The following SLC66A2 variants were observed in gnomAD, a reference collection of about 807,000 sequenced individuals.
SLC66A2 encodes PQ loop repeat containing 1.
SLC66A2 carries 23 observed loss-of-function variants against 25.5 expected under a neutral mutation model. The observed-to-expected ratio is 0.90, with a 90% CI of 0.65 to 1.28. The LOEUF is 1.28. Ranked by LOEUF, SLC66A2 falls within the 50% of genes most tolerant of loss-of-function variation. SLC66A2 has a pLI of 0.00. For synonymous variants in SLC66A2, 193 were observed against 166.5 expected (o/e 1.16, Z -1.23); for missense variants, 396 against 373.1 (o/e 1.06, Z -0.51).
intron 5 of SLC66A2, among the ~76,000 whole-genome samples, chr18:79,913,774 C>T (rs1312446256): frequency 6.6e-6 from 1 of 152,186 alleles, no homozygotes; most frequent in East Asian, 1.9e-4. Context: ...GGAGCTGAGG[C>T]TGTGGGTCCC....
chr18:79,939,476 G>GA (rs1987444960), intron 3 of SLC66A2, among the ~76,000 whole-genome samples: 1 of 152,182 alleles, frequency 6.6e-6, no homozygotes, highest in Non-Finnish European at 1.5e-5. Context: ...GAAAATTTTT[G>GA]CAAACTACGC....
chr18:79,922,621 A>G (rs1313033948), intron 4 of SLC66A2, among the ~76,000 whole-genome samples: 1 of 152,040 alleles, frequency 6.6e-6, no homozygotes, highest in African/African-American at 2.4e-5. Context: ...AGAAATTAGC[A>G]AATTAAAGGA....
At chr18:79,923,109 A>G (rs1985463926) in intron 4 of SLC66A2, among the ~76,000 whole-genome samples, 1 of 150,584 alleles carries the variant, frequency 6.6e-6, no homozygotes, top group Admixed American at 6.6e-5. Flanking sequence ...GGTACGCGGC[A>G]CCTCCCAGAA....
At chr18:79,935,700 A>G (rs1987012389) in intron 3 of SLC66A2, among the ~76,000 whole-genome samples, 1 of 152,178 alleles carries the variant, frequency 6.6e-6, no homozygotes, top group Admixed American at 6.5e-5. Flanking sequence ...GAGGAAGCCC[A>G]GGTCTCATGA....
At chr18:79,923,298 GTGGTGGATGGGTGGA>G in intron 4 of SLC66A2, among the ~76,000 whole-genome samples, 1 of 149,922 alleles carries the variant, frequency 6.7e-6, no homozygotes, top group African/African-American at 2.5e-5. Context: ...GGACAGGTGG[GTGGTGGATGGGTGGA>G]TGGTGGACGG....
rs1981473494 is a variant in SLC66A2, at chr18:79,903,134, G to C, written c.*842C>G. 6.6e-6 allele frequency: 1 copy of C among 152,360 alleles called. No individual in the cohort carries two copies. Among genetic ancestry groups the C allele is most frequent in the Non-Finnish European group, 1.5e-5 (1 of 68,126 alleles). The allele number at this position is 152,360 out of a possible 1,614,324, so 9.4% of individuals were successfully genotyped here. A position where few individuals can be genotyped will look rare whatever the true frequency, so the allele number is the denominator to read the frequency against. ...GTGCAGTCTGCACCCAGAAGGAAGG[G>C]GATCTCCGCCAGCAGAGCCCAAGAG... is the stretch of plus-strand genomic sequence containing the variant. On this transcript the variant is annotated 3_prime_UTR_variant, in exon 6 of 6. Coordinates refer to ENST00000397778, the MANE Select transcript of SLC66A2 (RefSeq NM_025078.5).
chr18:79,912,683 A>T (rs1180601377), intron 5 of SLC66A2, among the ~76,000 whole-genome samples: 1 of 152,096 alleles, frequency 6.6e-6, no homozygotes, highest in Non-Finnish European at 1.5e-5. Context: ...GGGGTGCGGA[A>T]AATGTTCTGG....
At position 79,917,279 on chromosome 18, in the gene SLC66A2, G is replaced by A. The variant is rs1599537364; in HGVS notation, c.608+1905C>T. ...CCTGGGCTGAGACCTTGAACAACAT[G>A]CCTGCGCTGAACAGCAAAACCTGCT... On this transcript the variant is annotated intron_variant, in intron 5 of 5. Coordinates refer to ENST00000397778, the MANE Select transcript of SLC66A2 (RefSeq NM_025078.5). The surrounding 1 kb of genome is among the most constrained non-coding windows in gnomAD (Gnocchi z 6.0). Among the ~76,000 whole-genome samples, 1 of 152,340 alleles carries A rather than the reference G, an allele frequency of 6.6e-6. No homozygotes were observed. Among genetic ancestry groups the A allele is most frequent in the East Asian group, 1.9e-4 (1 of 5,180 alleles).
rs907712534 is a variant in SLC66A2, at chr18:79,918,395, G to A, written c.608+789C>T. On this transcript the variant is annotated intron_variant, in intron 5 of 5. Transcript: ENST00000397778. The surrounding 1 kb of genome is among the most constrained non-coding windows in gnomAD (Gnocchi z 4.0). ...CTCCGTGAGGAGCGGGCACCGGGGG[G>A]CGGATCCCCAGTGAGGAGCGGGCCC... 1.3e-5 allele frequency among the ~76,000 whole-genome samples: 2 copies of A among 149,222 alleles called. No homozygotes were observed. The highest frequency in any genetic ancestry group is 2.1e-4 in the South Asian group (1 of 4,726).
At chr18:79,922,156 T>G (rs1163833548) in intron 4 of SLC66A2, among the ~76,000 whole-genome samples, 1 of 151,782 alleles carries the variant, frequency 6.6e-6, no homozygotes, top group African/African-American at 2.4e-5. Flanking sequence ...TAAAAGACGC[T>G]GACATCAGGC....
In SLC66A2 at chr18:79,911,150, C is replaced by T. The variant is rs559299937; in HGVS notation, c.609-6967G>A. On this transcript the variant is annotated intron_variant, in intron 5 of 5. Transcript: ENST00000397778. The stretch of plus-strand genomic sequence containing the variant: ...TGCTGTCTGGAGGGAAATCGGGGGT[C>T]GGGGCCACTCCTGAGGCCCCAACCA... Among the ~76,000 whole-genome samples, 3 of 152,320 alleles carry T rather than the reference C, an allele frequency of 2.0e-5. No individual in the cohort carries two copies. In the South Asian group the frequency reaches 6.2e-4, roughly 32 times the overall value.
chr18:79,943,373 A>G lies in SLC66A2; in HGVS notation c.293T>C (p.Val98Ala). The G allele has an allele frequency of 6.2e-7, 1 of 1,614,106 alleles. No homozygotes were observed. Among genetic ancestry groups the G allele is most frequent in the Non-Finnish European group, 8.5e-7 (1 of 1,180,010 alleles). Reference protein sequence around the residue: ...MLLMLKLCTEVRVANELNARR... With the variant: ...MLLMLKLCTEARVANELNARR... ...GGCGTTGAGCTCGTTGGCCACACGG[A>G]CCTCGGTGCACAGCTTCAGCATCAG... is the stretch of plus-strand genomic sequence containing the variant. Residue 98 changes from valine (V) to alanine (A), a missense_variant, in exon 3 of 6, where the codon GTC (valine) becomes GCC (alanine). Val to Ala is a moderately conservative substitution (Grantham distance 64). Transcript: ENST00000397778.
intron 4 of SLC66A2, among the ~76,000 whole-genome samples, chr18:79,925,856 G>A (rs1429882062): frequency 6.6e-6 from 1 of 152,236 alleles, no homozygotes; most frequent in African/African-American, 2.4e-5. Context: ...AATAGAGGCT[G>A]GCTAAGATGA....
rs73971201 is a variant in SLC66A2 at position 79,917,990 on chromosome 18, A to C, written c.608+1194T>G. Among the ~76,000 whole-genome samples the C allele has an allele frequency of 0.055, 8,372 of 151,356 alleles. 267 individuals are homozygous for C. The highest frequency in any genetic ancestry group is 0.07 in the African/African-American group (2,862 of 41,138). On this transcript the variant is annotated intron_variant, in intron 5 of 5. Transcript: ENST00000397778. The surrounding 1 kb of genome is among the most constrained non-coding windows in gnomAD (Gnocchi z 6.0). ...ATCTGTGCCTATGTCCCACACCCAC[A>C]CCTACGCCACACACCTGTAACTGCA...
rs575370543 is a variant in SLC66A2, at chr18:79,918,397, G to A, written c.608+787C>T. ...CCGTGAGGAGCGGGCACCGGGGGGCGGATCCCCAGTGAGGAGCGGGCCCGG... is the reference window on the plus strand; with the variant it reads ...CCGTGAGGAGCGGGCACCGGGGGGCAGATCCCCAGTGAGGAGCGGGCCCGG... On this transcript the variant is annotated intron_variant, in intron 5 of 5. Transcript: ENST00000397778. This position sits in a 1 kb window ranked among gnomAD's most constrained non-coding sequence, Gnocchi z 4.0. Among the ~76,000 whole-genome samples, 16 of 138,148 alleles carry A rather than the reference G, an allele frequency of 1.2e-4. No homozygotes were observed. The highest frequency in any genetic ancestry group is 9.6e-4 in the South Asian group (4 of 4,170). The allele number at this position is 138,148 out of a possible 152,430, so 90.6% of individuals were successfully genotyped here.
intron 5 of SLC66A2, among the ~76,000 whole-genome samples, chr18:79,916,322 G>GTACCCGTGGTGCTCCCA (rs1984157935): frequency 1.4e-5 from 2 of 144,662 alleles, no homozygotes; most frequent in African/African-American, 5.5e-5. Flanking sequence ...TGGTGCTCCC[G>GTACCCGTGGTGCTCCCA]TACCCACAGT....
rs1599615969 is a variant in SLC66A2 at position 79,933,976 on chromosome 18, G to A, written c.384C>T (p.Ser128=). The part of the protein sequence containing the change: ...DEEVKVAPRR[S]FLDFDPHHFW... Reference sequence around the variant, plus strand: ...CACGCGCAGGGTACATACCCAGGAAGGACCGCCTGGGGGCAACCTTGACTT... The same window carrying A: ...CACGCGCAGGGTACATACCCAGGAAAGACCGCCTGGGGGCAACCTTGACTT... The change falls in exon 4 of 6, where the codon TCC becomes TCT. Residue 128 remains serine (S), a synonymous_variant. Coordinates refer to ENST00000397778, the MANE Select transcript of SLC66A2 (RefSeq NM_025078.5). The A allele has an allele frequency of 1.9e-6, 3 of 1,612,400 alleles. No individual in the cohort carries two copies. Among genetic ancestry groups the A allele is most frequent in the East Asian group, 2.2e-5 (1 of 44,854 alleles).
intron 3 of SLC66A2, among the ~76,000 whole-genome samples, chr18:79,942,182 C>A (rs1223794657): frequency 2.6e-5 from 4 of 152,208 alleles, no homozygotes; most frequent in African/African-American, 4.8e-5. Context: ...ATCCTCAGTA[C>A]CATCTCTGGT....
Position 79,919,178 on chromosome 18 carries a change from G to T in SLC66A2, c.608+6C>A. On this transcript the variant is annotated splice_donor_region_variant and intron_variant, in intron 5 of 5. Coordinates refer to ENST00000397778, the MANE Select transcript of SLC66A2 (RefSeq NM_025078.5). ...TGGTGCTTCCGTGGCGGCATCCCCGGCCTACCTCATGCCCTCCGTGGACTG... is the reference window on the plus strand; with the variant it reads ...TGGTGCTTCCGTGGCGGCATCCCCGTCCTACCTCATGCCCTCCGTGGACTG... 6.2e-7 allele frequency: 1 copy of T among 1,612,174 alleles called. No homozygotes were observed. Among genetic ancestry groups the T allele is most frequent in the Non-Finnish European group, 8.5e-7 (1 of 1,179,334 alleles).
Sources: allele counts gnomAD v4.1 joint callset (sites outside exome capture counted in the v4.1 genomes callset), GRCh38; gene constraint gnomAD v4.1.1; non-coding constraint Gnocchi (gnomAD v3.1); transcripts MANE v1.5; gene names NCBI Gene and HGNC (gene_info 2026-07-23, HGNC 2026-07-21).